The following ZRANB3 variants were observed in gnomAD, a reference collection of about 807,000 sequenced individuals.
ZRANB3 encodes the protein zinc finger RANBP2-type containing 3, also known as DNA annealing helicase and endonuclease ZRANB3.
A neutral mutation model predicts 133.8 loss-of-function variants in ZRANB3; 125 were observed. The observed-to-expected ratio is 0.93, with a 90% confidence interval of 0.81 to 1.08. ZRANB3 has a LOEUF of 1.08. Among genes scored for constraint, ZRANB3 ranks in the 50% least tolerant of loss-of-function variants. The pLI, the probability that ZRANB3 is intolerant of heterozygous loss-of-function variation, is 0.00. For missense variants in ZRANB3, 1,229 were observed against 1,275.5 expected (o/e 0.96, Z 0.56); for synonymous variants, 387 against 432.7 (o/e 0.89, Z 1.31).
At chr2:135,455,110 G>C (rs2105009785) in intron 2 of ZRANB3, among the ~76,000 whole-genome samples, 1 of 145,464 alleles carries the variant, frequency 6.9e-6, no homozygotes, top group Non-Finnish European at 1.5e-5. Context: ...TTATGTCAAT[G>C]ACCTGCTCAA....
intron 8 of ZRANB3, among the ~76,000 whole-genome samples, chr2:135,277,269 T>TACTGCTATCAGGGGTTTCCCAGGGATGTC (rs1680871742): frequency 6.6e-6 from 1 of 152,162 alleles, no homozygotes; most frequent in Non-Finnish European, 1.5e-5. Flanking sequence ...AAACTAAAGA[T>TACTGCTATCAGGGGTTTCCCAGGGATGTC]ACTGCTATCA....
chr2:135,259,163 G>A (rs1679816271), intron 12 of ZRANB3, among the ~76,000 whole-genome samples: 1 of 151,738 alleles, frequency 6.6e-6, no homozygotes, highest in Non-Finnish European at 1.5e-5. Context: ...GGGACTACAC[G>A]TGTGTACCAC....
chr2:135,290,463 C>T (rs1233412007), intron 8 of ZRANB3, among the ~76,000 whole-genome samples: 1 of 152,214 alleles, frequency 6.6e-6, no homozygotes, highest in East Asian at 1.9e-4. Context: ...TTTTGCACCG[C>T]TTTACCTTAA....
At chr2:135,388,198 G>C (rs1045332072) in intron 3 of ZRANB3, among the ~76,000 whole-genome samples, 1 of 152,306 alleles carries the variant, frequency 6.6e-6, no homozygotes, top group African/African-American at 2.4e-5. Flanking sequence ...GATCTCGTGA[G>C]ACTTACTGGC....
intron 2 of ZRANB3, among the ~76,000 whole-genome samples, chr2:135,396,222 T>C (rs1687480510): frequency 6.6e-6 from 1 of 152,136 alleles, no homozygotes; most frequent in Non-Finnish European, 1.5e-5. Flanking sequence ...GGAATGTAAA[T>C]TAGTATAGCC....
chr2:135,275,276 G>A (rs1248948479), intron 9 of ZRANB3, among the ~76,000 whole-genome samples: 7 of 146,918 alleles, frequency 4.8e-5, no homozygotes, highest in African/African-American at 7.7e-5. Context: ...CCTCCCGGAC[G>A]GGGCGGCTGG....
At chr2:135,219,725 A>G (rs926676065) in intron 15 of ZRANB3, among the ~76,000 whole-genome samples, 9 of 152,232 alleles carry the variant, frequency 5.9e-5, no homozygotes, top group African/African-American at 2.2e-4. Context: ...AGAAAGATCA[A>G]TTCTAGAGAA....
At chr2:135,239,682 C>T (rs552760594) in intron 12 of ZRANB3, among the ~76,000 whole-genome samples, 4 of 152,112 alleles carry the variant, frequency 2.6e-5, no homozygotes, top group Admixed American at 6.5e-5. Context: ...TAAAACAATG[C>T]GTGAGGGAAA....
chr2:135,508,416 C>T (rs181999592), intron 1 of ZRANB3, among the ~76,000 whole-genome samples: 345 of 152,166 alleles, frequency 2.3e-3, no homozygotes, highest in African/African-American at 6.1e-3. Context: ...GGATTACAGG[C>T]GTGAGCCACC....
At position 135,264,093 on chromosome 2, in the gene ZRANB3, G is replaced by A. The variant is rs112825153; in HGVS notation, c.1539+1441C>T. Among the ~76,000 whole-genome samples, 450 of 151,770 alleles carry A rather than the reference G, an allele frequency of 3.0e-3. 3 individuals carry two copies. The highest frequency in any genetic ancestry group is 0.01 in the African/African-American group (419 of 41,406). ...TGTGAGCCACCACGCCTGGTCCATAGTGGTATTTTTTTAAAGTGGGGAGGT... is the reference window on the plus strand; with the variant it reads ...TGTGAGCCACCACGCCTGGTCCATAATGGTATTTTTTTAAAGTGGGGAGGT... On this transcript the variant is annotated intron_variant, in intron 12 of 20. Transcript: ENST00000264159.
At chr2:135,520,969 T>A (rs1693912878) in intron 1 of ZRANB3, among the ~76,000 whole-genome samples, 2 of 152,184 alleles carry the variant, frequency 1.3e-5, no homozygotes, top group Non-Finnish European at 2.9e-5. Flanking sequence ...AATGATAAAA[T>A]AATTCCCACT....
chr2:135,323,069 A>G (rs1212619260), intron 6 of ZRANB3, among the ~76,000 whole-genome samples: 1 of 151,762 alleles, frequency 6.6e-6, no homozygotes, highest in African/African-American at 2.4e-5. Context: ...ATACCACTCC[A>G]TTCATTTAGG....
intron 1 of ZRANB3, among the ~76,000 whole-genome samples, chr2:135,512,828 A>G (rs1693525587): frequency 6.6e-6 from 1 of 152,136 alleles, no homozygotes. Flanking sequence ...GATAAAAATA[A>G]AAGGAAAATT....
At chr2:135,206,005 C>A (rs923855024) in intron 19 of ZRANB3, among the ~76,000 whole-genome samples, 4 of 152,120 alleles carry the variant, frequency 2.6e-5, no homozygotes, top group Admixed American at 6.5e-5. Flanking sequence ...CTAGATCTTA[C>A]AATTCTTACT....
At chr2:135,377,159 G>T (rs892217589) in intron 3 of ZRANB3, among the ~76,000 whole-genome samples, 4 of 152,194 alleles carry the variant, frequency 2.6e-5, no homozygotes, top group African/African-American at 9.7e-5. Flanking sequence ...TAGGGTTAAA[G>T]ATTACAGATA....
At chr2:135,303,459 G>A (rs1002245142) in intron 8 of ZRANB3, among the ~76,000 whole-genome samples, 6 of 151,868 alleles carry the variant, frequency 4.0e-5, no homozygotes, top group Admixed American at 2.0e-4. Flanking sequence ...CTTAGTACCC[G>A]TTACTGAAAA....
At chr2:135,329,749 T>C (rs890044962) in intron 6 of ZRANB3, among the ~76,000 whole-genome samples, 2 of 152,222 alleles carry the variant, frequency 1.3e-5, no homozygotes, top group African/African-American at 4.8e-5. Flanking sequence ...CAGTGGTTTG[T>C]AGCTCTCTTT....
intron 1 of ZRANB3, among the ~76,000 whole-genome samples, chr2:135,507,543 A>C (rs944564444): frequency 1.3e-5 from 2 of 152,208 alleles, no homozygotes; most frequent in Admixed American, 6.5e-5. Context: ...TTTCAGAAGC[A>C]CTTTTTAGGG....
At chr2:135,397,131 A>G (rs1687526586) in intron 2 of ZRANB3, among the ~76,000 whole-genome samples, 2 of 151,950 alleles carry the variant, frequency 1.3e-5, no homozygotes, top group South Asian at 4.2e-4. Context: ...CTGCATCTAA[A>G]CAAACAAACA....
Sources: gnomAD v4.1 joint callset for allele counts (sites outside exome capture counted in the v4.1 genomes callset) on GRCh38, gnomAD v4.1.1 for gene constraint, MANE v1.5 for transcripts, NCBI Gene and HGNC (gene_info 2026-07-23, HGNC 2026-07-21) for gene names.